WIPF3: variants seen among roughly 807,000 people sequenced by gnomAD.
WIPF3 encodes the protein WAS/WASL interacting protein family member 3, also known as WAS/WASL-interacting protein family member 3.
WIPF3 carries 33 observed loss-of-function variants against 38.9 expected under a neutral mutation model. That is an observed-to-expected ratio of 0.85 (90% CI 0.64 to 1.14). The LOEUF is 1.14. WIPF3 is among the 50% of genes most tolerant of loss of function. WIPF3 has a pLI of 0.00. For missense variants in WIPF3, 711 were observed against 652.5 expected (o/e 1.09, Z -0.98); for synonymous variants, 324 against 269.3 (o/e 1.20, Z -1.99).
chr7:29,888,233 C>T lies in WIPF3; in HGVS notation c.1249+16C>T. 1 of 1,596,720 alleles carries T rather than the reference C, an allele frequency of 6.3e-7. No individual in the cohort carries two copies. The highest frequency in any genetic ancestry group is 2.3e-5 in the East Asian group (1 of 44,088). On this transcript the variant is annotated intron_variant, in intron 6 of 8. Coordinates refer to ENST00000242140, the MANE Select transcript of WIPF3 (RefSeq NM_001080529.3). Reference sequence around the variant, plus strand: ...CACATCATTGGTAAGTGGGTTGCACCCTCTGCCGGTTTGGCTGCCAGTAGG... The same window carrying T: ...CACATCATTGGTAAGTGGGTTGCACTCTCTGCCGGTTTGGCTGCCAGTAGG...
chr7:29,807,651 C>A (rs912216689), intron 1 of WIPF3, among the ~76,000 whole-genome samples: 1 of 152,236 alleles, frequency 6.6e-6, no homozygotes, highest in Non-Finnish European at 1.5e-5. Flanking sequence ...CAGGGAAAGG[C>A]CAGGAGAGCG....
chr7:29,889,364 A>G lies in WIPF3; in HGVS notation c.1308A>G (p.Glu436=), dbSNP rs754620046. 1.2e-6 allele frequency: 2 copies of G among 1,614,008 alleles called. No homozygotes were observed. Among genetic ancestry groups the G allele is most frequent in the African/African-American group, 1.3e-5 (1 of 75,054 alleles). The change falls in exon 7 of 9, where the codon GAA becomes GAG. Residue 436 remains glutamate (E), a synonymous_variant. Coordinates refer to ENST00000242140, the MANE Select transcript of WIPF3 (RefSeq NM_001080529.3). ...HSVEDFPPPD[E]YKPCQKIYPS... ...TGGAAGACTTTCCCCCTCCGGATGA[A>G]TATAAACCATGCCAGAAGATTTACC...
chr7:29,879,546 G>T (rs1785674134), intron 4 of WIPF3, among the ~76,000 whole-genome samples: 1 of 152,202 alleles, frequency 6.6e-6, no homozygotes, highest in African/African-American at 2.4e-5. Context: ...GTTAGGTACT[G>T]CTGTGTAACG....
chr7:29,884,387 C>CCCTTTTCTTT lies in WIPF3; in HGVS notation c.893_894insCCTTTTCTTT (p.Tyr299LeufsTer22). 6.7e-7 allele frequency: 1 copy of CCCTTTTCTTT among 1,502,236 alleles called. No homozygotes were observed. The highest frequency in any genetic ancestry group is 8.9e-7 in the Non-Finnish European group (1 of 1,121,158). The allele number at this position is 1,502,236 out of a possible 1,614,324, so 93.1% of individuals were successfully genotyped here. A position where few individuals can be genotyped will look rare whatever the true frequency, so the allele number is the denominator to read the frequency against. On this transcript the variant is annotated frameshift_variant, in exon 5 of 9. Transcript: ENST00000242140. LOFTEE classifies it high-confidence loss of function. ...CCCGCCCCGCCGCCCCCGCTCCCCC[C>CCCTTTTCTTT]TTATGCTTCTTGCTCCCCGAGGGCT...
intron 2 of WIPF3, among the ~76,000 whole-genome samples, chr7:29,858,739 G>A (rs903479832): frequency 1.3e-5 from 2 of 152,160 alleles, no homozygotes; most frequent in Non-Finnish European, 2.9e-5. Context: ...AGATGCTACT[G>A]TACTTTTCAG....
chr7:29,810,502 A>ATGAATGAATGAG (rs2128060848), intron 1 of WIPF3, among the ~76,000 whole-genome samples: 1 of 152,268 alleles, frequency 6.6e-6, no homozygotes, highest in South Asian at 2.1e-4. Flanking sequence ...GAATGAATGA[A>ATGAATGAATGAG]TGAATATCTG....
At chr7:29,892,070 G>A (rs62457636) in intron 7 of WIPF3, among the ~76,000 whole-genome samples, 1 of 152,198 alleles carries the variant, frequency 6.6e-6, no homozygotes, top group African/African-American at 2.4e-5. Flanking sequence ...TGTGAAATAT[G>A]CACAGGAATC....
intron 1 of WIPF3, among the ~76,000 whole-genome samples, chr7:29,820,192 A>G (rs945477212): frequency 2.0e-5 from 3 of 152,178 alleles, no homozygotes; most frequent in African/African-American, 7.2e-5. Flanking sequence ...TGGAACATAG[A>G]TATTCATGGC....
chr7:29,829,719 G>A (rs6462179), intron 1 of WIPF3, among the ~76,000 whole-genome samples: 47,183 of 152,116 alleles, frequency 0.31, 8,325 homozygotes, highest in Middle Eastern at 0.46. Flanking sequence ...AAGGCCACAC[G>A]GCCAGGAAAA....
At chr7:29,904,152 G>A (rs1209351235) in intron 7 of WIPF3, 134 bp from the exon 8 acceptor site, 1 of 736,304 alleles carries the variant, frequency 1.4e-6, no homozygotes, top group Non-Finnish European at 2.3e-6. Context: ...GGGAGTGGTG[G>A]AAACAGACAG....
At chr7:29,850,405 G>C (rs1441235214) in intron 2 of WIPF3, among the ~76,000 whole-genome samples, 2 of 152,182 alleles carry the variant, frequency 1.3e-5, no homozygotes, top group Admixed American at 1.3e-4. Context: ...GAGTTTGAAG[G>C]AGAATGGAAG....
At chr7:29,910,271 C>T (rs1183306140) in intron 8 of WIPF3, among the ~76,000 whole-genome samples, 2 of 152,086 alleles carry the variant, frequency 1.3e-5, no homozygotes, top group African/African-American at 4.8e-5. Context: ...CTAGTAAGGA[C>T]ATTTAACCAT....
intron 6 of WIPF3, among the ~76,000 whole-genome samples, chr7:29,888,688 C>A (rs1562787333): frequency 6.6e-6 from 1 of 152,152 alleles, no homozygotes; most frequent in Non-Finnish European, 1.5e-5. Context: ...GCCGTGGAAT[C>A]TTTCGATCCC....
Position 29,884,379 on chromosome 7 carries a change from G to A in WIPF3, c.885G>A (p.Pro295=). The A allele has an allele frequency of 6.9e-6, 2 of 288,364 alleles. No homozygotes were observed. The highest frequency in any genetic ancestry group is 4.5e-6 in the Non-Finnish European group (1 of 224,232). The allele number at this position is 288,364 out of a possible 1,614,324, so 17.9% of individuals were successfully genotyped here. ...AGGAGCCTCCCGCCCCGCCGCCCCC[G>A]CTCCCCCCTTATGCTTCTTGCTCCC... The part of the protein sequence containing the change: ...DAQEPPAPPP[P]LPPYASCSPR... Residue 295 remains proline (P), a synonymous_variant, in exon 5 of 9, where the codon CCG becomes CCA. Coordinates refer to ENST00000242140, the MANE Select transcript of WIPF3 (RefSeq NM_001080529.3).
intron 2 of WIPF3, among the ~76,000 whole-genome samples, chr7:29,848,199 G>C (rs981365910): frequency 4.6e-5 from 7 of 152,190 alleles, no homozygotes; most frequent in African/African-American, 1.7e-4. Flanking sequence ...GCAGCTATAG[G>C]ACTGTAACTG....
intron 1 of WIPF3, among the ~76,000 whole-genome samples, chr7:29,825,279 G>C (rs1181138088): frequency 6.6e-6 from 1 of 151,932 alleles, no homozygotes; most frequent in African/African-American, 2.4e-5. Context: ...AAACCACCGT[G>C]GTATGTGTTT....
intron 2 of WIPF3, among the ~76,000 whole-genome samples, chr7:29,856,380 C>T (rs574412812): frequency 1.4e-4 from 21 of 152,290 alleles, no homozygotes; most frequent in Non-Finnish European, 2.4e-4. Context: ...GCAATCCCAG[C>T]ACTTTGGGAG....
Position 29,809,537 on chromosome 7 carries a change from G to A in WIPF3, c.-58+2859G>A, listed in dbSNP as rs545113974. Among the ~76,000 whole-genome samples the A allele has an allele frequency of 4.9e-4, 74 of 152,376 alleles. 1 individual carries two copies. Among genetic ancestry groups the A allele is most frequent in the Admixed American group, 4.6e-3 (71 of 15,312 alleles). ...ATTAAATATGAGTTAGGGTTGGTGA[G>A]AAAGTGATTAATTGCTTTTTATTTA... On this transcript the variant is annotated intron_variant, in intron 1 of 8. Coordinates refer to ENST00000242140, the MANE Select transcript of WIPF3 (RefSeq NM_001080529.3).
intron 4 of WIPF3, among the ~76,000 whole-genome samples, chr7:29,880,577 C>T (rs1473000667): frequency 6.6e-6 from 1 of 152,166 alleles, no homozygotes; most frequent in African/African-American, 2.4e-5. Flanking sequence ...ACCAGTTTCT[C>T]TTCATAGAAG....
Sources: allele counts gnomAD v4.1 joint callset (sites outside exome capture counted in the v4.1 genomes callset), GRCh38; gene constraint gnomAD v4.1.1; transcripts MANE v1.5; gene names NCBI Gene and HGNC (gene_info 2026-07-23, HGNC 2026-07-21).